Variants in C16orf74 observed in about 807,000 individuals in gnomAD.
The protein encoded by C16orf74 is calcimembrin, also known as uncharacterized protein C16orf74.
In C16orf74, 10 loss-of-function variants were observed where a neutral mutation model predicts 6.5. The observed-to-expected ratio is 1.54, with a 90% CI of 0.95 to 2.61. The LOEUF (loss-of-function observed/expected upper bound fraction) is 2.61. C16orf74 is among the 30% of genes most tolerant of loss of function. C16orf74 has a pLI of 0.00. For synonymous variants in C16orf74, 60 were observed against 42.5 expected, an observed-to-expected ratio of 1.41 and a Z score of -1.60; for missense variants, 141 against 105.9, an observed-to-expected ratio of 1.33 and a Z score of -1.45.
intron 3 of C16orf74, among the ~76,000 whole-genome samples, chr16:85,708,893 C>T (rs1478371287): frequency 1.3e-5 from 2 of 152,248 alleles, no homozygotes; most frequent in Non-Finnish European, 2.9e-5. Flanking sequence ...ATGGGCCCAG[C>T]GAGACCCATG....
At chr16:85,717,267 G>A (rs1033586703) in intron 2 of C16orf74, among the ~76,000 whole-genome samples, 5 of 152,158 alleles carry the variant, frequency 3.3e-5, no homozygotes, top group East Asian at 1.9e-4. Flanking sequence ...CCAGGACAGC[G>A]GTTCCCATCG....
chr16:85,712,698 C>A (rs1209871981), intron 2 of C16orf74, among the ~76,000 whole-genome samples: 1 of 152,224 alleles, frequency 6.6e-6, no homozygotes, highest in Non-Finnish European at 1.5e-5. Context: ...AATCAGGCCA[C>A]CAGCTGTGTG....
At chr16:85,738,803 A>G (rs901553173) in intron 1 of C16orf74, among the ~76,000 whole-genome samples, 3 of 152,094 alleles carry the variant, frequency 2.0e-5, no homozygotes, top group Non-Finnish European at 4.4e-5. Context: ...TGGGCCCGGC[A>G]CTGTTCAGAG....
intron 2 of C16orf74, among the ~76,000 whole-genome samples, chr16:85,714,409 T>TTTATTTA (rs2054000489): frequency 9.4e-5 from 4 of 42,350 alleles, no homozygotes; most frequent in Non-Finnish European, 2.8e-4. Flanking sequence ...TTATTATTTA[T>TTTATTTA]TTATTTATTT....
chr16:85,737,150 C>T (rs535457222), intron 1 of C16orf74, among the ~76,000 whole-genome samples: 170 of 152,120 alleles, frequency 1.1e-3, no homozygotes, highest in Non-Finnish European at 2.1e-3. Context: ...AGGAGAAGTC[C>T]GAACAATGTC....
intron 2 of C16orf74, among the ~76,000 whole-genome samples, chr16:85,732,846 A>G (rs2054204718): frequency 6.6e-6 from 1 of 152,124 alleles, no homozygotes; most frequent in Non-Finnish European, 1.5e-5. Context: ...CACTCGGGAC[A>G]GGCGCTGTTC....
rs376462341 is a variant in C16orf74, at chr16:85,726,384, G to C, written c.28+8806C>G. ...TCTCCTCTGGGCTCTGTCCCGCACT[G>C]GAAGGGAACCAGCACCATGGAACAG... On this transcript the variant is annotated intron_variant, in intron 2 of 3. Coordinates refer to ENST00000284245, the MANE Select transcript of C16orf74 (RefSeq NM_206967.3). Among the ~76,000 whole-genome samples the C allele has an allele frequency of 2.3e-4, 35 of 152,310 alleles. No individual in the cohort carries two copies. In the South Asian group the frequency reaches 6.8e-3, roughly 30 times the overall value.
chr16:85,724,772 A>T (rs1435804983), intron 2 of C16orf74, among the ~76,000 whole-genome samples: 1 of 152,192 alleles, frequency 6.6e-6, no homozygotes, highest in African/African-American at 2.4e-5. Context: ...GAGCACATTC[A>T]TTCTGCAAAC....
At chr16:85,742,396 C>T (rs745570611) in intron 1 of C16orf74, among the ~76,000 whole-genome samples, 1 of 152,062 alleles carries the variant, frequency 6.6e-6, no homozygotes, top group Non-Finnish European at 1.5e-5. Context: ...GAGCCTGGCA[C>T]CTTCCCTGCT....
chr16:85,738,679 G>A (rs2054271052), intron 1 of C16orf74, among the ~76,000 whole-genome samples: 1 of 151,902 alleles, frequency 6.6e-6, no homozygotes, highest in South Asian at 2.1e-4. Flanking sequence ...ACATGCAGGA[G>A]AGAGAATCCT....
intron 2 of C16orf74, among the ~76,000 whole-genome samples, chr16:85,715,491 G>A (rs568602086): frequency 6.6e-6 from 1 of 152,264 alleles, no homozygotes; most frequent in East Asian, 1.9e-4. Flanking sequence ...CCCAAGAGCC[G>A]GTGCTTCCTG....
intron 1 of C16orf74, among the ~76,000 whole-genome samples, chr16:85,737,110 G>C (rs947461700): frequency 6.6e-6 from 1 of 152,200 alleles, no homozygotes; most frequent in African/African-American, 2.4e-5. Flanking sequence ...CGAGAACTGA[G>C]TGTGGGGAAG....
At chr16:85,744,428 C>T (rs1339813708) in intron 1 of C16orf74, among the ~76,000 whole-genome samples, 3 of 151,926 alleles carry the variant, frequency 2.0e-5, no homozygotes, top group Admixed American at 6.6e-5. Flanking sequence ...ACTTCCGTTT[C>T]ATATTGAATT....
rs2054432468 is a variant in C16orf74 at position 85,751,014 on chromosome 16, G to A, written c.-107C>T. On this transcript the variant is annotated 5_prime_UTR_variant, in exon 1 of 4. Transcript: ENST00000284245. The stretch of plus-strand genomic sequence containing the variant: ...CTGGTGGTGGTGGCGGCGGCGGTCG[G>A]GCTCGGGGGGCCGCGGCGACGAGCC... The A allele has an allele frequency of 6.7e-6, 1 of 149,748 alleles. No homozygotes were observed. Among genetic ancestry groups the A allele is most frequent in the African/African-American group, 2.4e-5 (1 of 41,134 alleles). The allele number at this position is 149,748 out of a possible 1,614,324, so 9.3% of individuals were successfully genotyped here. A position where few individuals can be genotyped will look rare whatever the true frequency, so the allele number is the denominator to read the frequency against.
intron 2 of C16orf74, among the ~76,000 whole-genome samples, chr16:85,731,241 A>C (rs2054184193): frequency 6.6e-6 from 1 of 152,224 alleles, no homozygotes; most frequent in Non-Finnish European, 1.5e-5. Context: ...ACCACTGTGT[A>C]ATTTGTGGGG....
intron 1 of C16orf74, among the ~76,000 whole-genome samples, chr16:85,748,046 A>AG (rs559270152): frequency 0.064 from 8,439 of 131,938 alleles, 1,255 homozygotes; most frequent in Admixed American, 0.1. Flanking sequence ...GTATTGCACC[A>AG]CTGCACTCCA....
chr16:85,748,472 C>T (rs2054398776), intron 1 of C16orf74, among the ~76,000 whole-genome samples: 1 of 151,988 alleles, frequency 6.6e-6, no homozygotes, highest in Non-Finnish European at 1.5e-5. Context: ...GTGGCACGCA[C>T]CTGTAATCCC....
chr16:85,720,273 G>A (rs1006814702), intron 2 of C16orf74, among the ~76,000 whole-genome samples: 1 of 152,114 alleles, frequency 6.6e-6, no homozygotes, highest in African/African-American at 2.4e-5. Flanking sequence ...CAGGAGCTTC[G>A]ACACACCAAG....
intron 2 of C16orf74, among the ~76,000 whole-genome samples, chr16:85,718,497 C>T (rs1031163439): frequency 3.3e-5 from 5 of 152,342 alleles, no homozygotes; most frequent in East Asian, 1.9e-4. Flanking sequence ...ACCCACGATG[C>T]GATGGACGGC....
Sources: allele counts gnomAD v4.1 joint callset (sites outside exome capture counted in the v4.1 genomes callset), GRCh38; gene constraint gnomAD v4.1.1; transcripts MANE v1.5; gene names NCBI Gene and HGNC (gene_info 2026-07-23, HGNC 2026-07-21).